ZNF302: variants seen among roughly 807,000 people sequenced by gnomAD.
ZNF302 encodes zinc finger protein 302.
ZNF302 carries 12 observed loss-of-function variants against 10.8 expected under a neutral mutation model. The observed-to-expected ratio is 1.11, with a 90% CI of 0.71 to 1.79. ZNF302 has a LOEUF of 1.79. Ranked by LOEUF, ZNF302 falls within the 40% of genes most tolerant of loss-of-function variation. The pLI, the probability that ZNF302 is intolerant of heterozygous loss-of-function variation, is 0.00. For synonymous variants in ZNF302, 178 were observed against 157.5 expected (o/e 1.13, Z -0.98); for missense variants, 461 against 471.1 (o/e 0.98, Z 0.20).
Position 34,684,522 on chromosome 19 carries a change from T to C in ZNF302, c.485T>C (p.Ile162Thr), listed in dbSNP as rs1310042635. 1 of 1,612,842 alleles carries C rather than the reference T, an allele frequency of 6.2e-7. No individual in the cohort carries two copies. Among genetic ancestry groups the C allele is most frequent in the Non-Finnish European group, 8.5e-7 (1 of 1,179,454 alleles). The part of the protein sequence containing the change: ...LKKNLSKKSV[I>T]KSERINGGKK... ...AAGAATTTATCAAAAAAGTCAGTTA[T>C]AAAAAGTGAGAGAATAAATGGTGGA... is the stretch of plus-strand genomic sequence containing the variant. Residue 162 changes from isoleucine to threonine, a missense_variant, in exon 5 of 5, where the codon ATA becomes ACA. Ile to Thr is a moderately conservative substitution (Grantham distance 89). Coordinates refer to ENST00000505242, the MANE Select transcript of ZNF302 (RefSeq NM_001289187.2).
intron 1 of ZNF302, among the ~76,000 whole-genome samples, chr19:34,678,316 C>G (rs1216418562): frequency 6.6e-6 from 1 of 151,644 alleles, no homozygotes; most frequent in Admixed American, 6.6e-5. Flanking sequence ...GTCTATAATC[C>G]CAGCTATTCG....
At position 34,682,703 on chromosome 19, in the gene ZNF302, G is replaced by A. The variant is rs770856003; in HGVS notation, c.10-74G>A. The A allele has an allele frequency of 1.4e-4, 226 of 1,587,696 alleles. No homozygotes were observed. In the Middle Eastern group the frequency reaches 2.9e-3, roughly 20 times the overall value. On this transcript the variant is annotated intron_variant, in intron 2 of 4. Transcript: ENST00000505242. Reference sequence around the variant, plus strand: ...CTTGTTCCATTTCTTCCACAAGCAGGCTAATTTTACCCCTTCTTCAGTGAC... The same window carrying A: ...CTTGTTCCATTTCTTCCACAAGCAGACTAATTTTACCCCTTCTTCAGTGAC...
At chr19:34,676,810 T>C (rs2067970142), upstream of ZNF302, 1 of 152,154 alleles carries the variant, frequency 6.6e-6, no homozygotes, top group African/African-American at 2.4e-5. Context: ...AAAAAGAAAG[T>C]AAACAACCCA....
Position 34,683,966 on chromosome 19 carries a change from C to G in ZNF302, c.215-286C>G, listed in dbSNP as rs762189452. 11 of 1,328,192 alleles carry G rather than the reference C, an allele frequency of 8.3e-6. No individual in the cohort carries two copies. The South Asian group carries it at 1.4e-4, about 16-fold the overall frequency. The allele number at this position is 1,328,192 out of a possible 1,614,324, so 82.3% of individuals were successfully genotyped here. On this transcript the variant is annotated intron_variant, in intron 4 of 4. Coordinates refer to ENST00000505242, the MANE Select transcript of ZNF302 (RefSeq NM_001289187.2). ...TTATTTCTGATACTTTCCTTTTTTC[C>G]ATACTATTTTATCCATTTCGTACAG...
rs1263528982 is a variant in ZNF302, at chr19:34,684,670, C to T, written c.633C>T (p.Gly211=). The T allele has an allele frequency of 6.2e-7, 1 of 1,613,884 alleles. No homozygotes were observed. The highest frequency in any genetic ancestry group is 2.2e-5 in the East Asian group (1 of 44,886). The stretch of plus-strand genomic sequence containing the variant: ...GCAGTGAATGTGGGAAAGCCTTTGG[C>T]AAACAGTCAATCCTCAGTCGCCACT... ...YTCSECGKAF[G]KQSILSRHWR... The change falls in exon 5 of 5, where the codon GGC becomes GGT. Residue 211 remains glycine (G), a synonymous_variant. Coordinates refer to ENST00000505242, the MANE Select transcript of ZNF302 (RefSeq NM_001289187.2).
rs1353121055 is a variant in ZNF302, at chr19:34,684,982, T to C, written c.945T>C (p.Cys315=). 6.2e-7 allele frequency: 1 copy of C among 1,614,034 alleles called. No homozygotes were observed. The highest frequency in any genetic ancestry group is 1.7e-5 in the Admixed American group (1 of 59,974). The change falls in exon 5 of 5, where the codon TGT becomes TGC. Residue 315 remains cysteine (C), a synonymous_variant. Transcript: ENST00000505242. ...RIHTQEKRYE[C]RICGKAFIHS... ...ATACGCAAGAAAAACGCTATGAGTG[T>C]CGTATATGTGGAAAGGCCTTCATTC...
rs1568456445 is a variant in ZNF302 at position 34,681,410 on chromosome 19, CT to C, written c.10-1365del. On this transcript the variant is annotated intron_variant, in intron 2 of 4. Transcript: ENST00000505242. ...TAGAATATTTTCTTTGAAATCTACTCTTATTTTTTTCCCCTTCCAGGTCCTA... is the reference window on the plus strand; with the variant it reads ...TAGAATATTTTCTTTGAAATCTACTCTATTTTTTTCCCCTTCCAGGTCCTA... The C allele has an allele frequency of 3.9e-5, 6 of 152,302 alleles. No individual in the cohort carries two copies. In the South Asian group the frequency reaches 1.2e-3, roughly 32 times the overall value. The allele number at this position is 152,302 out of a possible 1,614,324, so 9.4% of individuals were successfully genotyped here. A position where few individuals can be genotyped will look rare whatever the true frequency, so the allele number is the denominator to read the frequency against.
intron 2 of ZNF302, 162 bp from the exon 3 acceptor site, chr19:34,682,615 C>T: frequency 9.9e-7 from 1 of 1,007,064 alleles, no homozygotes; most frequent in Non-Finnish European, 1.4e-6. Context: ...ATTCCAACTA[C>T]ATAACTGTCC....
intron 2 of ZNF302, chr19:34,681,901 CTTTT>C (rs780839823): frequency 6.6e-6 from 1 of 152,184 alleles, no homozygotes; most frequent in Non-Finnish European, 1.5e-5. Context: ...ATATATTTTT[CTTTT>C]TTGTTTATGA....
At position 34,684,307 on chromosome 19, in the gene ZNF302, T is replaced by G. The variant is rs1165571964; in HGVS notation, c.270T>G (p.Asp90Glu). Residue 90 changes from aspartate (D) to glutamate (E), a missense_variant, in exon 5 of 5, where the codon GAT becomes GAG. Physicochemically the swap from Asp to Glu is conservative, Grantham distance 45. Transcript: ENST00000505242. ...KELSTKKDIY[D>E]EDSPQPVTME... ...TATCAACAAAGAAGGATATTTATGATGAAGATTCACCCCAACCAGTAACAA... is the reference window on the plus strand; with the variant it reads ...TATCAACAAAGAAGGATATTTATGAGGAAGATTCACCCCAACCAGTAACAA... The G allele has an allele frequency of 6.3e-7, 1 of 1,577,730 alleles. No homozygotes were observed.
rs2290652 is a variant in ZNF302, at chr19:34,684,303, A to T, written c.266A>T (p.Tyr89Phe). Residue 89 changes from tyrosine (Y) to phenylalanine (F), a missense_variant, in exon 5 of 5, where the codon TAT (tyrosine) becomes TTT (phenylalanine). Physicochemically the swap from Tyr to Phe is conservative, Grantham distance 22. Coordinates refer to ENST00000505242, the MANE Select transcript of ZNF302 (RefSeq NM_001289187.2). ...GAATTATCAACAAAGAAGGATATTT[A>T]TGATGAAGATTCACCCCAACCAGTA... The part of the protein sequence containing the change: ...NKELSTKKDI[Y>F]DEDSPQPVTM... 6.4e-7 allele frequency: 1 copy of T among 1,573,512 alleles called. No homozygotes were observed. The highest frequency in any genetic ancestry group is 2.3e-5 in the East Asian group (1 of 44,186).
chr19:34,683,241 A>G lies in ZNF302; in HGVS notation c.214+3A>G, dbSNP rs1325574730. 2.5e-6 allele frequency: 4 copies of G among 1,613,948 alleles called. No homozygotes were observed. Among genetic ancestry groups the G allele is most frequent in the African/African-American group, 2.7e-5 (2 of 74,936 alleles). ...GATGGAGAAAAAACTGTCAAAAGGT[A>G]TGATTCCACATGAGTCATGGTGAAC... On this transcript the variant is annotated splice_donor_region_variant and intron_variant, in intron 4 of 4. Transcript: ENST00000505242.
chr19:34,679,910 T>C, intron 2 of ZNF302: 1 of 703,000 alleles, frequency 1.4e-6, no homozygotes, highest in Non-Finnish European at 2.6e-6. Context: ...AATGAAGAAC[T>C]GGTGGGGCAG....
chr19:34,684,273 A>G lies in ZNF302; in HGVS notation c.236A>G (p.Asn79Ser), dbSNP rs376880566. The G allele has an allele frequency of 2.6e-6, 4 of 1,563,090 alleles. No homozygotes were observed. The highest frequency in any genetic ancestry group is 3.4e-6 in the Non-Finnish European group (4 of 1,162,590). Reference sequence around the variant, plus strand: ...TCAGATTGGGAATCAAGATGGGAAAACAAGGAATTATCAACAAAGAAGGAT... The same window carrying G: ...TCAGATTGGGAATCAAGATGGGAAAGCAAGGAATTATCAACAAAGAAGGAT... ...LSKDWESRWENKELSTKKDIY... is the reference protein window; with the variant it reads ...LSKDWESRWESKELSTKKDIY... The change falls in exon 5 of 5, where the codon AAC becomes AGC. Residue 79 changes from asparagine (N) to serine (S), a missense_variant. Physicochemically the swap from Asn to Ser is conservative, Grantham distance 46. Transcript: ENST00000505242.
At chr19:34,679,411 T>G (rs1458658744) in intron 2 of ZNF302, among the ~76,000 whole-genome samples, 1 of 152,192 alleles carries the variant, frequency 6.6e-6, no homozygotes, top group South Asian at 2.1e-4. Context: ...TTCCGCAACC[T>G]AAAATTTTTC....
chr19:34,685,162 C>T lies in ZNF302; in HGVS notation c.1125C>T (p.Leu375=), dbSNP rs376942523. Residue 375 remains leucine, a synonymous_variant, in exon 5 of 5, where the codon CTC becomes CTT. Transcript: ENST00000505242. ...AAAAATATGAATGCAACAAATGTCT[C>T]AAGGTCTTTAGTAGCTTCTCATTTC... ...MKKKYECNKC[L]KVFSSFSFLV... 14 of 1,608,482 alleles carry T rather than the reference C, an allele frequency of 8.7e-6. No homozygotes were observed. Among genetic ancestry groups the T allele is most frequent in the Non-Finnish European group, 1.2e-5 (14 of 1,178,070 alleles).
At chr19:34,682,739 T>G (rs1292366789) in intron 2 of ZNF302, 38 bp from the exon 3 acceptor site, 1 of 1,611,570 alleles carries the variant, frequency 6.2e-7, no homozygotes, top group African/African-American at 1.3e-5. Context: ...AGAAGAGGCC[T>G]GGGCTATGGC....
chr19:34,683,687 A>G (rs1232561485), intron 4 of ZNF302, among the ~76,000 whole-genome samples: 1 of 152,196 alleles, frequency 6.6e-6, no homozygotes, highest in Non-Finnish European at 1.5e-5. Context: ...AATGTTCAAG[A>G]AAAATATGAT....
rs548828935 is a variant in ZNF302 at position 34,684,699 on chromosome 19, G to C, written c.662G>C (p.Arg221Thr). ...GKQSILSRHWRIHTGEKPYEC... is the reference protein window; with the variant it reads ...GKQSILSRHWTIHTGEKPYEC... ...CAGTCAATCCTCAGTCGCCACTGGA[G>C]AATTCATACAGGAGAGAAGCCCTAT... Residue 221 changes from arginine to threonine, a missense_variant, in exon 5 of 5, where the codon AGA becomes ACA. Physicochemically the swap from Arg to Thr is moderately conservative, Grantham distance 71. Transcript: ENST00000505242. 2.2e-5 allele frequency: 35 copies of C among 1,614,032 alleles called. No individual in the cohort carries two copies. The Admixed American group carries it at 5.8e-4, about 27-fold the overall frequency.
Sources: gnomAD v4.1 joint callset for allele counts (sites outside exome capture counted in the v4.1 genomes callset) on GRCh38, gnomAD v4.1.1 for gene constraint, MANE v1.5 for transcripts, NCBI Gene and HGNC (gene_info 2026-07-23, HGNC 2026-07-21) for gene names.